Variants in PKM observed in about 807,000 individuals in gnomAD.
PKM encodes pyruvate kinase M1/2.
A neutral mutation model predicts 49.8 loss-of-function variants in PKM; 18 were observed. The observed-to-expected ratio is 0.36, with a 90% CI of 0.25 to 0.54. The LOEUF (loss-of-function observed/expected upper bound fraction) is 0.54, where lower values mean the gene tolerates loss of function less well. Among genes scored for constraint, PKM ranks in the 20% least tolerant of loss-of-function variants. PKM has a pLI of 0.89. For synonymous variants in PKM, 239 were observed against 261.8 expected (o/e 0.91, Z 0.84); for missense variants, 508 against 713.8 (o/e 0.71, Z 3.28).
intron 1 of PKM, among the ~76,000 whole-genome samples, chr15:72,222,218 C>T (rs2082544868): frequency 1.3e-5 from 2 of 152,184 alleles, no homozygotes; most frequent in Non-Finnish European, 2.9e-5. Flanking sequence ...AGTGGATTTA[C>T]GCATTAGCAG....
chr15:72,229,476 A>C (rs2140832021), intron 1 of PKM: 12,147 of 930,352 alleles, frequency 0.013, no homozygotes, highest in Non-Finnish European at 0.017. Context: ...GCCTCACTTT[A>C]ACCCGTACCA....
chr15:72,224,901 A>G (rs1596800587), intron 1 of PKM, among the ~76,000 whole-genome samples: 2 of 141,560 alleles, frequency 1.4e-5, no homozygotes, highest in African/African-American at 2.6e-5. Flanking sequence ...GCTGAGCTGT[A>G]TTTTCTTTAA....
intron 1 of PKM, chr15:72,219,549 G>T (rs1295706458): frequency 6.3e-6 from 1 of 159,096 alleles, no homozygotes; most frequent in African/African-American, 2.4e-5. Flanking sequence ...GATAAGCCTA[G>T]ATCTCTGCAT....
At chr15:72,216,625 A>G (rs1331007208) in intron 3 of PKM, among the ~76,000 whole-genome samples, 1 of 152,142 alleles carries the variant, frequency 6.6e-6, no homozygotes, top group Non-Finnish European at 1.5e-5. Flanking sequence ...TTTGTTTTAT[A>G]AAATAAAAAA....
At chr15:72,218,154 C>T (rs866948709) in intron 2 of PKM, among the ~76,000 whole-genome samples, 6 of 150,958 alleles carry the variant, frequency 4.0e-5, no homozygotes, top group South Asian at 4.2e-4. Flanking sequence ...GGCAGAGTTT[C>T]GTTCTTGTTG....
rs185445439 is a variant in PKM at position 72,208,015 on chromosome 15, T to G, written c.836+606A>C. On this transcript the variant is annotated intron_variant, in intron 6 of 10. Coordinates refer to ENST00000335181, the MANE Select transcript of PKM (RefSeq NM_002654.6). ...TGGCCATGCCCACTGGGCTCTACTT[T>G]GTGAGCATTGGGGAGGGGGTAAGCT... Among the ~76,000 whole-genome samples the G allele has an allele frequency of 3.3e-5, 5 of 152,336 alleles. No homozygotes were observed. In the East Asian group the frequency reaches 9.6e-4, roughly 29 times the overall value.
Position 72,202,408 on chromosome 15 carries a change from G to C in PKM, c.1307+46C>G. On this transcript the variant is annotated intron_variant, in intron 9 of 10. Transcript: ENST00000335181. This position sits in a 1 kb window ranked among gnomAD's most constrained non-coding sequence, Gnocchi z 4.5. ...ACTGCTCCCAGGACCCCCAAGGTGA[G>C]GTACCACTGAGCAGGGCATTCCAGG... 1 of 1,583,842 alleles carries C rather than the reference G, an allele frequency of 6.3e-7. No homozygotes were observed. Among genetic ancestry groups the C allele is most frequent in the Non-Finnish European group, 8.6e-7 (1 of 1,160,132 alleles).
chr15:72,213,514 T>C (rs1165184269), intron 3 of PKM, among the ~76,000 whole-genome samples: 1 of 152,234 alleles, frequency 6.6e-6, no homozygotes, highest in Non-Finnish European at 1.5e-5. Context: ...CACTGTAGCC[T>C]CCACCTCTCA....
chr15:72,229,584 G>A (rs1228259773), intron 1 of PKM: 1 of 1,287,418 alleles, frequency 7.8e-7, no homozygotes, highest in Non-Finnish European at 1.0e-6. Context: ...ACTGGAAGGT[G>A]CTTTCCTGCA....
chr15:72,209,947 G>C, intron 4 of PKM, 88 bp from the exon 5 acceptor site: 1 of 1,107,368 alleles, frequency 9.0e-7, no homozygotes, highest in Non-Finnish European at 1.4e-6. Context: ...CTTTCCTCCC[G>C]GGAACAATGC....
At chr15:72,219,259 G>T in intron 1 of PKM, 149 bp from the exon 2 acceptor site, 1 of 678,706 alleles carries the variant, frequency 1.5e-6, no homozygotes, top group East Asian at 2.6e-5. Context: ...ATCTGGTTAT[G>T]TGGGTGCTCC....
At chr15:72,222,796 A>T (rs1179861605) in intron 1 of PKM, among the ~76,000 whole-genome samples, 1 of 152,128 alleles carries the variant, frequency 6.6e-6, no homozygotes, top group African/African-American at 2.4e-5. Flanking sequence ...GAGAAAGGAG[A>T]CACCATCTCT....
At chr15:72,206,395 C>A in intron 8 of PKM, 1 of 346,650 alleles carries the variant, frequency 2.9e-6, no homozygotes, top group Non-Finnish European at 5.5e-6. Context: ...ACAAGACCTC[C>A]TTTCACTGCA....
chr15:72,203,473 G>A, intron 8 of PKM: 1 of 456,938 alleles, frequency 2.2e-6, no homozygotes, highest in Non-Finnish European at 4.0e-6. Flanking sequence ...GTAGGCTCTA[G>A]CACCCTGGCA....
Position 72,210,526 on chromosome 15 carries a change from C to T in PKM, c.247-48G>A, listed in dbSNP as rs574531255. On this transcript the variant is annotated intron_variant, in intron 3 of 10. Transcript: ENST00000335181. ...ACAAGCGTGCTCCCACACTAGAATC[C>T]AGCTCCAATTCCCCTGCCCAGGAGC... 4 of 1,611,574 alleles carry T rather than the reference C, an allele frequency of 2.5e-6. No homozygotes were observed. In the East Asian group the frequency reaches 8.9e-5, roughly 36 times the overall value.
chr15:72,230,522 C>A (rs1461430094), intron 1 of PKM, among the ~76,000 whole-genome samples: 2 of 151,684 alleles, frequency 1.3e-5, no homozygotes, highest in Non-Finnish European at 2.9e-5. Flanking sequence ...TGCGGGGGAG[C>A]GGACGTGACC....
At position 72,202,253 on chromosome 15, in the gene PKM, T is replaced by A. The variant is rs2081962745; in HGVS notation, c.1307+201A>T. On this transcript the variant is annotated intron_variant, in intron 9 of 10. Transcript: ENST00000335181. The surrounding 1 kb of genome is among the most constrained non-coding windows in gnomAD (Gnocchi z 4.5). ...GCTTTTGATCCAAATGTTCTGACAT[T>A]CCTTATGAGTGCTACCTAGAGTCCT... is the stretch of plus-strand genomic sequence containing the variant. 23 of 605,102 alleles carry A rather than the reference T, an allele frequency of 3.8e-5. No homozygotes were observed. The South Asian group carries it at 4.4e-4, about 12-fold the overall frequency. 37.5% of individuals were successfully genotyped at this position (605,102 alleles called of 1,614,324 possible).
chr15:72,217,712 A>T (rs1449736010), intron 2 of PKM, among the ~76,000 whole-genome samples: 1 of 152,172 alleles, frequency 6.6e-6, no homozygotes, highest in Non-Finnish European at 1.5e-5. Context: ...CAAGTTCTGC[A>T]GGCTCCCACT....
chr15:72,225,799 T>C (rs1487366098), intron 1 of PKM, among the ~76,000 whole-genome samples: 4 of 152,246 alleles, frequency 2.6e-5, no homozygotes, highest in Non-Finnish European at 5.9e-5. Context: ...AAGTTTCTTC[T>C]ATTAATCAAT....
Sources: gnomAD v4.1 joint callset for allele counts (sites outside exome capture counted in the v4.1 genomes callset) on GRCh38, gnomAD v4.1.1 for gene constraint, Gnocchi (gnomAD v3.1) non-coding constraint, MANE v1.5 for transcripts, NCBI Gene and HGNC (gene_info 2026-07-23, HGNC 2026-07-21) for gene names.